LHFPL6: variants seen among roughly 807,000 people sequenced by gnomAD.
The protein encoded by LHFPL6 is LHFPL tetraspan subfamily member 6 protein.
In LHFPL6, 9 loss-of-function variants were observed where a neutral mutation model predicts 20.6. The ratio of observed to expected loss-of-function variants is 0.44; its 90% confidence interval spans 0.26 to 0.76. LHFPL6 has a LOEUF of 0.76. Ranked by LOEUF, LHFPL6 falls within the 30% of genes least tolerant of loss-of-function variation. LHFPL6 has a pLI of 0.20. For synonymous variants in LHFPL6, 105 were observed against 98.7 expected, an observed-to-expected ratio of 1.06 and a Z score of -0.38; for missense variants, 218 against 253.5, an observed-to-expected ratio of 0.86 and a Z score of 0.95.
Position 39,537,774 on chromosome 13 carries a change from C to G in LHFPL6, c.385+63058G>C, listed in dbSNP as rs139712251. Among the ~76,000 whole-genome samples the G allele has an allele frequency of 1.3e-3, 191 of 152,220 alleles. 4 individuals are homozygous for G. The East Asian group carries it at 0.029, about 23-fold the overall frequency. ...ATTATCAGGAAAATAGGCCTACCCC[C>G]ATTCTGCTAAGCCGCTACAAAATTT... On this transcript the variant is annotated intron_variant, in intron 2 of 3. Coordinates refer to ENST00000379589, the MANE Select transcript of LHFPL6 (RefSeq NM_005780.3).
At chr13:39,350,118 C>G (rs922875594) in intron 3 of LHFPL6, among the ~76,000 whole-genome samples, 33 of 152,210 alleles carry the variant, frequency 2.2e-4, no homozygotes, top group African/African-American at 7.0e-4. Context: ...CAGACAGAGT[C>G]TTTGGTCTCA....
At chr13:39,481,222 A>T (rs1868508720) in intron 2 of LHFPL6, among the ~76,000 whole-genome samples, 1 of 152,226 alleles carries the variant, frequency 6.6e-6, no homozygotes. Context: ...ACTATATATG[A>T]CTGAAATACA....
intron 2 of LHFPL6, among the ~76,000 whole-genome samples, chr13:39,434,891 C>T (rs2138408490): frequency 1.3e-5 from 2 of 151,560 alleles, no homozygotes; most frequent in South Asian, 2.1e-4. Flanking sequence ...CCCGTCTCTA[C>T]TAAAAATACA....
intron 2 of LHFPL6, among the ~76,000 whole-genome samples, chr13:39,539,790 G>C (rs922291180): frequency 6.6e-6 from 1 of 152,218 alleles, no homozygotes; most frequent in Non-Finnish European, 1.5e-5. Flanking sequence ...TAGAAATAGA[G>C]AAGTCAGTAT....
At chr13:39,507,922 C>T (rs562756502) in intron 2 of LHFPL6, among the ~76,000 whole-genome samples, 3 of 149,958 alleles carry the variant, frequency 2.0e-5, no homozygotes, top group African/African-American at 7.4e-5. Flanking sequence ...TTCCTTCCCT[C>T]CCTCCCTCCC....
intron 2 of LHFPL6, among the ~76,000 whole-genome samples, chr13:39,588,243 C>T (rs938281629): frequency 1.3e-5 from 2 of 152,204 alleles, no homozygotes; most frequent in Non-Finnish European, 2.9e-5. Context: ...TTGGTTTCCT[C>T]TATAAGACTG....
chr13:39,396,687 G>A (rs1870851165), intron 2 of LHFPL6, among the ~76,000 whole-genome samples: 1 of 152,170 alleles, frequency 6.6e-6, no homozygotes, highest in African/African-American at 2.4e-5. Flanking sequence ...CAGCTACTTG[G>A]GAGGCTGAGG....
chr13:39,461,259 C>T (rs968486842), intron 2 of LHFPL6, among the ~76,000 whole-genome samples: 9 of 152,026 alleles, frequency 5.9e-5, no homozygotes, highest in Non-Finnish European at 1.3e-4. Context: ...TAGGTTGATT[C>T]CATGTCTTTG....
intron 2 of LHFPL6, among the ~76,000 whole-genome samples, chr13:39,593,697 A>G (rs1872681403): frequency 6.6e-6 from 1 of 152,080 alleles, no homozygotes; most frequent in South Asian, 2.1e-4. Flanking sequence ...GAGGCATCAC[A>G]CTACCTGACT....
At chr13:39,417,407 T>C (rs1871376503) in intron 2 of LHFPL6, among the ~76,000 whole-genome samples, 1 of 151,306 alleles carries the variant, frequency 6.6e-6, no homozygotes, top group African/African-American at 2.4e-5. Flanking sequence ...CCTCAAAGCA[T>C]GAATTGGAAG....
chr13:39,601,302 A>ACAGATAAT lies in LHFPL6; in HGVS notation c.-94_-87dup. The ACAGATAAT allele has an allele frequency of 7.3e-7, 1 of 1,364,092 alleles. No homozygotes were observed. 84.5% of individuals were successfully genotyped at this position (1,364,092 alleles called of 1,614,324 possible). On this transcript the variant is annotated 5_prime_UTR_variant, in exon 2 of 4. It introduces an in-frame stop codon into an upstream open reading frame of the 5' UTR. Transcript: ENST00000379589. Reference sequence around the variant, plus strand: ...GAAGGTGTGAAATCACCAGGGACCCACAGATAATCCACAGTTCCGTAATGC... The same window carrying ACAGATAAT: ...GAAGGTGTGAAATCACCAGGGACCCACAGATAATCAGATAATCCACAGTTCCGTAATGC...
chr13:39,352,870 TA>T (rs1869610213), intron 3 of LHFPL6, among the ~76,000 whole-genome samples: 1 of 54,548 alleles, frequency 1.8e-5, no homozygotes, highest in Non-Finnish European at 4.1e-5. Context: ...TATGTGTATA[TA>T]TATATATAAA....
chr13:39,347,522 T>C (rs1205923747), intron 3 of LHFPL6, among the ~76,000 whole-genome samples: 1 of 152,224 alleles, frequency 6.6e-6, no homozygotes, highest in Non-Finnish European at 1.5e-5. Flanking sequence ...CGGCCTCATC[T>C]AGAGAGTGTG....
chr13:39,393,488 G>T (rs1371115445), intron 2 of LHFPL6, among the ~76,000 whole-genome samples: 1 of 152,198 alleles, frequency 6.6e-6, no homozygotes. Context: ...ATTCTGAGAA[G>T]TAGACGTGGT....
intron 2 of LHFPL6, among the ~76,000 whole-genome samples, chr13:39,574,409 A>AGG (rs1872043091): frequency 1.3e-5 from 2 of 151,380 alleles, no homozygotes; most frequent in Non-Finnish European, 2.9e-5. Context: ...GTGAACCCCA[A>AGG]GAGGCGGAGC....
At chr13:39,545,267 A>AAAG (rs1870944986) in intron 2 of LHFPL6, among the ~76,000 whole-genome samples, 1 of 146,842 alleles carries the variant, frequency 6.8e-6, no homozygotes, top group African/African-American at 2.5e-5. Context: ...AAAAAAAAAA[A>AAAG]GTGACTAAGG....
chr13:39,591,914 G>A (rs1301941198), intron 2 of LHFPL6, among the ~76,000 whole-genome samples: 2 of 152,086 alleles, frequency 1.3e-5, no homozygotes, highest in East Asian at 3.9e-4. Context: ...TGGCCAACAA[G>A]GTGAAACACC....
chr13:39,551,236 G>A lies in LHFPL6; in HGVS notation c.385+49596C>T, dbSNP rs962004861. 2.6e-5 allele frequency among the ~76,000 whole-genome samples: 4 copies of A among 152,248 alleles called. No homozygotes were observed. In the East Asian group the frequency reaches 5.8e-4, roughly 22 times the overall value. On this transcript the variant is annotated intron_variant, in intron 2 of 3. Transcript: ENST00000379589. ...TGGAGGCTGGCAAGTCCAAGAGCATGGTGCTGGCATCTGATAAGCATCATC... is the reference window on the plus strand; with the variant it reads ...TGGAGGCTGGCAAGTCCAAGAGCATAGTGCTGGCATCTGATAAGCATCATC...
intron 2 of LHFPL6, among the ~76,000 whole-genome samples, chr13:39,489,006 T>G (rs1005023556): frequency 2.0e-5 from 3 of 152,186 alleles, no homozygotes; most frequent in Admixed American, 1.3e-4. Context: ...TCTGTTGGCT[T>G]TCCCGCTTTA....
Sources: allele counts gnomAD v4.1 joint callset (sites outside exome capture counted in the v4.1 genomes callset), GRCh38; gene constraint gnomAD v4.1.1; transcripts MANE v1.5; gene names NCBI Gene and HGNC (gene_info 2026-07-23, HGNC 2026-07-21).